The following PRH1 variants were observed in gnomAD, a reference collection of about 807,000 sequenced individuals.
The protein encoded by PRH1 is salivary acidic proline-rich phosphoprotein 1/2.
In PRH1, 7 loss-of-function variants were observed where a neutral mutation model predicts 7.9. That is an observed-to-expected ratio of 0.89 (90% CI 0.50 to 1.67). PRH1 has a LOEUF of 1.67. Among genes scored for constraint, PRH1 ranks in the 40% most tolerant of loss-of-function variants. The pLI, the probability that PRH1 is intolerant of heterozygous loss-of-function variation, is 0.00. For synonymous variants in PRH1, 45 were observed against 80.8 expected, an observed-to-expected ratio of 0.56 and a Z score of 2.38; for missense variants, 109 against 223.6, an observed-to-expected ratio of 0.49 and a Z score of 3.27.
chr12:10,938,704 A>G lies in PRH1; in HGVS notation c.-59+34951T>C, dbSNP rs776763294. ...TGGAAAATCGTGTAAAGTTACTTGAATCAGAACTGCAAGTCTTGTTTCTTC... is the reference window on the plus strand; with the variant it reads ...TGGAAAATCGTGTAAAGTTACTTGAGTCAGAACTGCAAGTCTTGTTTCTTC... On this transcript the variant is annotated intron_variant, in intron 2 of 3. Transcript: ENST00000539853. 2.5e-6 allele frequency: 4 copies of G among 1,614,048 alleles called. No homozygotes were observed. The South Asian group carries it at 4.4e-5, about 18-fold the overall frequency.
chr12:11,063,671 T>A (rs1037195334), intron 1 of PRH1, among the ~76,000 whole-genome samples: 3 of 152,112 alleles, frequency 2.0e-5, no homozygotes, highest in African/African-American at 7.2e-5. Flanking sequence ...GTGGGAAATA[T>A]GTACAACCTT....
intron 1 of PRH1, among the ~76,000 whole-genome samples, chr12:11,154,868 G>A (rs895298806): frequency 3.3e-5 from 5 of 152,110 alleles, no homozygotes; most frequent in Admixed American, 2.0e-4. Flanking sequence ...CAGAGACACA[G>A]ACAGAAGGGA....
intron 2 of PRH1, chr12:10,931,047 G>C (rs1293819404): frequency 6.3e-7 from 1 of 1,585,456 alleles, no homozygotes; most frequent in Non-Finnish European, 8.6e-7. Context: ...CTCCACAGGG[G>C]CAGTCTCCTC....
At chr12:11,065,816 C>T (rs547430127) in intron 1 of PRH1, among the ~76,000 whole-genome samples, 2 of 152,176 alleles carry the variant, frequency 1.3e-5, no homozygotes. Flanking sequence ...ATGGTCTACG[C>T]ATTCTCCTGC....
intron 1 of PRH1, among the ~76,000 whole-genome samples, chr12:11,103,595 G>A (rs974856645): frequency 5.9e-5 from 9 of 151,838 alleles, no homozygotes; most frequent in Non-Finnish European, 1.0e-4. Flanking sequence ...TGTAAATGAC[G>A]AGTTAATGGG....
At chr12:11,067,791 T>C (rs961699667) in intron 1 of PRH1, among the ~76,000 whole-genome samples, 47 of 152,136 alleles carry the variant, frequency 3.1e-4, no homozygotes, top group African/African-American at 1.1e-3. Context: ...TGAGCCTGGA[T>C]AGCAGAGGTT....
chr12:10,975,805 C>T (rs971053482), intron 1 of PRH1, among the ~76,000 whole-genome samples: 1 of 147,896 alleles, frequency 6.8e-6, no homozygotes, highest in Non-Finnish European at 1.5e-5. Context: ...TTTAAATCAA[C>T]AAAGATCAAA....
chr12:10,961,662 C>A (rs778674452), intron 2 of PRH1, among the ~76,000 whole-genome samples: 19 of 152,196 alleles, frequency 1.2e-4, no homozygotes, highest in Non-Finnish European at 2.4e-4. Context: ...CACTGTGGGC[C>A]TGAGGTCTGT....
chr12:11,054,129 T>C (rs974738145), intron 1 of PRH1, among the ~76,000 whole-genome samples: 2 of 152,350 alleles, frequency 1.3e-5, no homozygotes, highest in Admixed American at 6.5e-5. Flanking sequence ...TCGATTCTTA[T>C]ATTATTCTCA....
rs569508606 is a variant in PRH1 at position 11,148,699 on chromosome 12, T to C, written n.39+22723A>G. On this transcript the variant is annotated intron_variant and non_coding_transcript_variant, in intron 1 of 1. Coordinates refer to the PRH1 transcript ENST00000541175. ...CTGGATTCGGTTTGCCAGTATTTTA[T>C]TGAGGATTTTTGCATCAATGTTCAT... 4.4e-5 allele frequency among the ~76,000 whole-genome samples: 5 copies of C among 114,782 alleles called. 1 individual carries two copies. The East Asian group carries it at 1.0e-3, about 24-fold the overall frequency. 75.3% of individuals were successfully genotyped at this position (114,782 alleles called of 152,430 possible).
intron 1 of PRH1, chr12:11,031,000 A>T: frequency 6.2e-7 from 1 of 1,614,296 alleles, no homozygotes; most frequent in Non-Finnish European, 8.5e-7. Context: ...GGTTGGAGAA[A>T]TTGGCAATCT....
intron 1 of PRH1, among the ~76,000 whole-genome samples, chr12:11,100,815 T>G (rs969712143): frequency 6.6e-6 from 1 of 152,146 alleles, no homozygotes; most frequent in Non-Finnish European, 1.5e-5. Flanking sequence ...CCTTAAAAAA[T>G]TTGCCTTTCT....
intron 2 of PRH1, among the ~76,000 whole-genome samples, chr12:10,935,170 T>C (rs889168856): frequency 2.6e-5 from 4 of 152,162 alleles, no homozygotes; most frequent in Non-Finnish European, 2.9e-5. Flanking sequence ...AGTTCCCGTA[T>C]ACACACACTT....
At chr12:11,025,814 A>G (rs1941882229) in intron 1 of PRH1, among the ~76,000 whole-genome samples, 1 of 152,252 alleles carries the variant, frequency 6.6e-6, no homozygotes, top group Non-Finnish European at 1.5e-5. Context: ...TGTCTATTGG[A>G]TTCTCAATAT....
intron 2 of PRH1, among the ~76,000 whole-genome samples, chr12:10,913,374 G>A (rs1056046598): frequency 2.0e-5 from 3 of 151,830 alleles, no homozygotes; most frequent in Admixed American, 1.3e-4. Flanking sequence ...AGAATGGCAG[G>A]AACCTGGGAG....
chr12:11,030,681 G>A (rs767248304), intron 1 of PRH1: 1 of 1,614,064 alleles, frequency 6.2e-7, no homozygotes, highest in Admixed American at 1.7e-5. Context: ...TTGGTGCTGG[G>A]ATCTTGAGAT....
rs1215311839 is a variant in PRH1 at position 11,082,847 on chromosome 12, G to C, written n.124-35659C>G. On this transcript the variant is annotated intron_variant and non_coding_transcript_variant, in intron 1 of 4. Transcript: ENST00000541977. ...CTCTGTGCAATTATGAAGTGTATAAGCTTCATTTCATCTTTTAATAGCATC... is the reference window on the plus strand; with the variant it reads ...CTCTGTGCAATTATGAAGTGTATAACCTTCATTTCATCTTTTAATAGCATC... 1.2e-4 allele frequency among the ~76,000 whole-genome samples: 14 copies of C among 115,596 alleles called. 4 individuals carry two copies. Among genetic ancestry groups the C allele is most frequent in the African/African-American group, 4.1e-4 (14 of 34,436 alleles). The allele number at this position is 115,596 out of a possible 152,430, so 75.8% of individuals were successfully genotyped here. A position where few individuals can be genotyped will look rare whatever the true frequency, so the allele number is the denominator to read the frequency against.
Position 10,884,206 on chromosome 12 carries a change from A to C in PRH1, c.12T>G (p.Ile4Met), listed in dbSNP as rs756330816. 1.9e-6 allele frequency: 3 copies of C among 1,614,088 alleles called. No homozygotes were observed. Among genetic ancestry groups the C allele is most frequent in the Non-Finnish European group, 2.5e-6 (3 of 1,180,022 alleles). ...AGGCCAGCAGGGCCACTGACAGCAG[A>C]ATCAGAAGCATCTTGCAGGAGGCTC... MLLILLSVALLAFS... is the reference protein window; with the variant it reads MLLMLLSVALLAFS... The change falls in exon 1 of 4, where the codon ATT becomes ATG. Residue 4 changes from isoleucine (I) to methionine (M), a missense_variant. By Grantham distance (10) the Ile-to-Met change is conservative (BLOSUM62 1). Coordinates refer to ENST00000543626, the MANE Select transcript of PRH1 (RefSeq NM_001393989.1).
intron 1 of PRH1, chr12:10,996,437 G>A (rs545999248): frequency 6.6e-6 from 1 of 150,648 alleles, no homozygotes; most frequent in Non-Finnish European, 1.5e-5. Context: ...CAAAAAATTA[G>A]AGGTTCAAAC....
Sources: allele counts gnomAD v4.1 joint callset (sites outside exome capture counted in the v4.1 genomes callset), GRCh38; gene constraint gnomAD v4.1.1; transcripts MANE v1.5; gene names NCBI Gene and HGNC (gene_info 2026-07-23, HGNC 2026-07-21).